The following COL21A1 variants were observed in gnomAD, a reference collection of about 807,000 sequenced individuals.
COL21A1 encodes the protein collagen type XXI alpha 1 chain, also known as collagen alpha-1(XXI) chain.
Under a neutral mutation model 137.9 loss-of-function variants are expected in COL21A1, and 149 were observed. The ratio of observed to expected loss-of-function variants is 1.08; its 90% confidence interval spans 0.95 to 1.24. COL21A1 has a LOEUF of 1.24. Among genes scored for constraint, COL21A1 ranks in the 50% most tolerant of loss-of-function variants. The probability of loss-of-function intolerance (pLI) is 0.00; values close to 1 mark genes in which losing one functional copy is unlikely to be tolerated. For synonymous variants in COL21A1, 456 were observed against 391.5 expected (o/e 1.16, Z -1.95); for missense variants, 1,167 against 1,158.4 (o/e 1.01, Z -0.11).
intron 1 of COL21A1, among the ~76,000 whole-genome samples, chr6:56,193,154 C>T (rs1299273058): frequency 6.6e-6 from 1 of 151,884 alleles, no homozygotes; most frequent in Non-Finnish European, 1.5e-5. Flanking sequence ...TATCACACAC[C>T]AGGGCCTGTC....
At chr6:56,135,874 A>G (rs1341107599) in intron 12 of COL21A1, among the ~76,000 whole-genome samples, 2 of 152,080 alleles carry the variant, frequency 1.3e-5, no homozygotes, top group East Asian at 1.9e-4. Context: ...CTTAACATTG[A>G]CTATCTTGAA....
At chr6:56,090,750 A>G (rs1006573232) in intron 17 of COL21A1, among the ~76,000 whole-genome samples, 1 of 151,676 alleles carries the variant, frequency 6.6e-6, no homozygotes, top group Non-Finnish European at 1.5e-5. Flanking sequence ...ACATTATTAC[A>G]ATAATAAATA....
chr6:56,392,392 G>A (rs779176113), intron 1 of COL21A1, among the ~76,000 whole-genome samples: 3 of 151,960 alleles, frequency 2.0e-5, no homozygotes, highest in Non-Finnish European at 4.4e-5. Context: ...GTATCATATC[G>A]AAGGGGGAAA....
chr6:56,313,725 C>T (rs10456731), intron 1 of COL21A1, among the ~76,000 whole-genome samples: 20,229 of 151,962 alleles, frequency 0.13, 1,402 homozygotes, highest in Middle Eastern at 0.2. Context: ...CATAGCATAG[C>T]CATTTGGATC....
At chr6:56,154,067 C>A (rs1021132356) in intron 10 of COL21A1, among the ~76,000 whole-genome samples, 1 of 152,214 alleles carries the variant, frequency 6.6e-6, no homozygotes, top group Middle Eastern at 3.4e-3. Context: ...ACTATTGTAA[C>A]AGTAATAATA....
intron 1 of COL21A1, among the ~76,000 whole-genome samples, chr6:56,319,263 T>C (rs1764812553): frequency 6.6e-6 from 1 of 152,108 alleles, no homozygotes; most frequent in Non-Finnish European, 1.5e-5. Flanking sequence ...TTCACACCTG[T>C]CTGGTAGGCA....
intron 23 of COL21A1, among the ~76,000 whole-genome samples, chr6:56,066,088 G>T (rs974206289): frequency 6.6e-5 from 10 of 151,878 alleles, no homozygotes; most frequent in African/African-American, 1.2e-4. Flanking sequence ...TGAACCTGAG[G>T]TTCCCATGAG....
chr6:56,213,145 A>G (rs972573978), intron 1 of COL21A1, among the ~76,000 whole-genome samples: 3 of 152,146 alleles, frequency 2.0e-5, no homozygotes, highest in Non-Finnish European at 4.4e-5. Flanking sequence ...TTTCTACAAC[A>G]AAAGTATCTG....
At chr6:56,272,670 G>A (rs1763557031) in intron 1 of COL21A1, among the ~76,000 whole-genome samples, 3 of 152,106 alleles carry the variant, frequency 2.0e-5, no homozygotes, top group Admixed American at 2.0e-4. Context: ...GGCCTGGTGG[G>A]AAGTGATTGG....
At chr6:56,302,256 G>A (rs1046777513) in intron 1 of COL21A1, among the ~76,000 whole-genome samples, 2 of 151,888 alleles carry the variant, frequency 1.3e-5, no homozygotes, top group African/African-American at 2.4e-5. Flanking sequence ...TAATGGGATG[G>A]CTGGGTCAAA....
chr6:56,112,562 G>A (rs1457724843), intron 16 of COL21A1, among the ~76,000 whole-genome samples: 1 of 151,984 alleles, frequency 6.6e-6, no homozygotes, highest in Non-Finnish European at 1.5e-5. Flanking sequence ...GGGTGCTAAT[G>A]AAGGGAGAAC....
Position 56,171,092 on chromosome 6 carries a change from C to T in COL21A1, c.677G>A (p.Arg226His), listed in dbSNP as rs572301223. The T allele has an allele frequency of 1.4e-4, 232 of 1,606,920 alleles. 1 individual carries two copies. In the East Asian group the frequency reaches 2.1e-3, roughly 15 times the overall value. The change falls in exon 4 of 30, where the codon CGT becomes CAT. Residue 226 changes from arginine (R) to histidine (H), a missense_variant. Physicochemically the swap from Arg to His is conservative, Grantham distance 29 (BLOSUM62 0). Coordinates refer to ENST00000244728, the MANE Select transcript of COL21A1 (RefSeq NM_030820.4). Reference protein sequence around the residue: ...VCPTRIPVAARDERGFDILLG... With the variant: ...VCPTRIPVAAHDERGFDILLG... ...AAGAATATCAAATCCCCTTTCATCA[C>T]GAGCTGCCACTGGAATTCGTGTTGG... is the stretch of plus-strand genomic sequence containing the variant.
At chr6:56,268,822 G>T (rs182709086) in intron 1 of COL21A1, among the ~76,000 whole-genome samples, 1 of 152,176 alleles carries the variant, frequency 6.6e-6, no homozygotes, top group Non-Finnish European at 1.5e-5. Flanking sequence ...AATCTGGATG[G>T]CAAGGAAGCT....
At chr6:56,301,959 A>G (rs1048051929) in intron 1 of COL21A1, among the ~76,000 whole-genome samples, 3 of 150,736 alleles carry the variant, frequency 2.0e-5, no homozygotes, top group Non-Finnish European at 4.4e-5. Flanking sequence ...ATTCCCACCT[A>G]TGAGTGAGAA....
At chr6:56,199,918 A>T (rs1443849806) in intron 1 of COL21A1, among the ~76,000 whole-genome samples, 1 of 152,198 alleles carries the variant, frequency 6.6e-6, no homozygotes, top group Non-Finnish European at 1.5e-5. Context: ...AAATAAATAC[A>T]TGAGATCATT....
chr6:56,288,690 G>A (rs553888896), intron 1 of COL21A1, among the ~76,000 whole-genome samples: 1 of 152,248 alleles, frequency 6.6e-6, no homozygotes, highest in African/African-American at 2.4e-5. Context: ...AACCAAGGAA[G>A]CCCGAGGGCC....
rs998913053 is a variant in COL21A1, at chr6:56,122,857, C to T, written c.1758+1205G>A. Among the ~76,000 whole-genome samples the T allele has an allele frequency of 2.0e-4, 30 of 152,116 alleles. 1 individual carries two copies. Among genetic ancestry groups the T allele is most frequent in the African/African-American group, 6.3e-4 (26 of 41,426 alleles). On this transcript the variant is annotated intron_variant, in intron 16 of 29. Transcript: ENST00000244728. The stretch of plus-strand genomic sequence containing the variant: ...CTTTCATACCATTCTAGATAGGTAA[C>T]ATTTACTCTATTTTCGAAATAGAAA...
At chr6:56,201,135 AC>A (rs1561978052) in intron 1 of COL21A1, among the ~76,000 whole-genome samples, 1 of 152,038 alleles carries the variant, frequency 6.6e-6, no homozygotes. Context: ...TCCTTTGCCC[AC>A]TTTTTGATGG....
intron 1 of COL21A1, among the ~76,000 whole-genome samples, chr6:56,354,251 G>A (rs1179006077): frequency 1.3e-5 from 2 of 152,240 alleles, no homozygotes; most frequent in Non-Finnish European, 2.9e-5. Flanking sequence ...GGCAAACAGT[G>A]TGTTGGTAAT....
Sources: allele counts gnomAD v4.1 joint callset (sites outside exome capture counted in the v4.1 genomes callset), GRCh38; gene constraint gnomAD v4.1.1; transcripts MANE v1.5; gene names NCBI Gene and HGNC (gene_info 2026-07-23, HGNC 2026-07-21).